The following PDGFD variants were observed in gnomAD, a reference collection of about 807,000 sequenced individuals.
The protein encoded by PDGFD is platelet-derived growth factor D.
A neutral mutation model predicts 44.7 loss-of-function variants in PDGFD; 30 were observed. That is an observed-to-expected ratio of 0.67 (90% CI 0.50 to 0.91). The LOEUF (loss-of-function observed/expected upper bound fraction) is 0.91, where lower values mean the gene tolerates loss of function less well. Among genes scored for constraint, PDGFD ranks in the 40% least tolerant of loss-of-function variants. PDGFD has a pLI of 0.00. For missense variants in PDGFD, 445 were observed against 457.8 expected (o/e 0.97, Z 0.25); for synonymous variants, 173 against 168.4 (o/e 1.03, Z -0.21).
At chr11:104,042,554 A>C (rs1444736990) in intron 1 of PDGFD, among the ~76,000 whole-genome samples, 1 of 152,230 alleles carries the variant, frequency 6.6e-6, no homozygotes, top group Admixed American at 6.5e-5. Context: ...TATTTCAAAT[A>C]AGTAAGGATC....
At chr11:103,960,350 A>AT (rs888188521) in intron 3 of PDGFD, among the ~76,000 whole-genome samples, 5 of 152,124 alleles carry the variant, frequency 3.3e-5, no homozygotes, top group East Asian at 3.9e-4. Flanking sequence ...TTGGACATGG[A>AT]TTTTTTTTGG....
intron 1 of PDGFD, among the ~76,000 whole-genome samples, chr11:104,060,981 C>T (rs780890668): frequency 2.0e-5 from 3 of 152,114 alleles, no homozygotes; most frequent in Non-Finnish European, 2.9e-5. Context: ...AGAAACTCTA[C>T]AACCACTAAG....
chr11:104,064,463 G>A (rs764012554), intron 1 of PDGFD, among the ~76,000 whole-genome samples: 19 of 152,266 alleles, frequency 1.2e-4, no homozygotes, highest in Admixed American at 2.0e-4. Context: ...TTGCTCAGGC[G>A]GAGACGGAAT....
In PDGFD at chr11:103,967,777, T is replaced by C. The variant is rs377587488; in HGVS notation, c.511-20053A>G. Reference sequence around the variant, plus strand: ...TCTTCCACCCATATCTTTATTCTCTTCTTGTTTGTCCCTTGCAATCTCTTT... The same window carrying C: ...TCTTCCACCCATATCTTTATTCTCTCCTTGTTTGTCCCTTGCAATCTCTTT... On this transcript the variant is annotated intron_variant, in intron 3 of 6. Transcript: ENST00000393158. Among the ~76,000 whole-genome samples the C allele has an allele frequency of 2.1e-4, 32 of 152,278 alleles. 1 individual carries two copies. The East Asian group carries it at 5.8e-3, about 28-fold the overall frequency.
At chr11:103,983,322 G>A (rs1472904533) in intron 3 of PDGFD, among the ~76,000 whole-genome samples, 3 of 151,800 alleles carry the variant, frequency 2.0e-5, no homozygotes, top group African/African-American at 7.3e-5. Flanking sequence ...AATGGGGAAA[G>A]GATTCTCTAT....
chr11:103,907,993 G>A lies in PDGFD; in HGVS notation c.*1701C>T, dbSNP rs1189234476. On this transcript the variant is annotated 3_prime_UTR_variant, in exon 7 of 7. Transcript: ENST00000393158. ...TCAAATAACTGGGAAGAATTGCACTGCTTAAGAATAGTTGAACTTGGACCT... is the reference window on the plus strand; with the variant it reads ...TCAAATAACTGGGAAGAATTGCACTACTTAAGAATAGTTGAACTTGGACCT... 1.3e-5 allele frequency: 2 copies of A among 152,146 alleles called. No homozygotes were observed. Among genetic ancestry groups the A allele is most frequent in the East Asian group, 1.9e-4 (1 of 5,190 alleles). 9.4% of individuals were successfully genotyped at this position (152,146 alleles called of 1,614,324 possible). A position where few individuals can be genotyped will look rare whatever the true frequency, so the allele number is the denominator to read the frequency against.
chr11:104,155,457 A>T (rs1255490262), intron 1 of PDGFD, among the ~76,000 whole-genome samples: 3 of 152,200 alleles, frequency 2.0e-5, no homozygotes, highest in African/African-American at 4.8e-5. Context: ...TGGAAATATA[A>T]GAGGAGGCAG....
At chr11:104,140,902 T>C (rs963184796) in intron 1 of PDGFD, among the ~76,000 whole-genome samples, 1 of 152,268 alleles carries the variant, frequency 6.6e-6, no homozygotes, top group African/African-American at 2.4e-5. Flanking sequence ...CTAATAGCTA[T>C]ATGTAAGCTT....
chr11:103,961,423 T>C (rs1858933843), intron 3 of PDGFD, among the ~76,000 whole-genome samples: 1 of 152,114 alleles, frequency 6.6e-6, no homozygotes, highest in African/African-American at 2.4e-5. Flanking sequence ...TGGAGGAAGG[T>C]CTCAGAAGAA....
chr11:103,913,364 A>G (rs1387976829), intron 6 of PDGFD, among the ~76,000 whole-genome samples: 1 of 152,208 alleles, frequency 6.6e-6, no homozygotes, highest in Non-Finnish European at 1.5e-5. Context: ...AAATCACACA[A>G]CTACATGGAA....
chr11:103,940,732 T>A (rs988053991), intron 5 of PDGFD, among the ~76,000 whole-genome samples: 3 of 152,140 alleles, frequency 2.0e-5, no homozygotes, highest in African/African-American at 7.2e-5. Context: ...AGCACATTTA[T>A]ACAAGAGCAG....
intron 6 of PDGFD, among the ~76,000 whole-genome samples, chr11:103,917,228 T>C (rs950386885): frequency 6.6e-6 from 1 of 152,250 alleles, no homozygotes; most frequent in Admixed American, 6.5e-5. Context: ...AAAATCTTTG[T>C]ATATTAATAC....
chr11:104,025,530 GTCTTTATTTGAGAGGTCA>G (rs1860029576), intron 1 of PDGFD, among the ~76,000 whole-genome samples: 1 of 152,230 alleles, frequency 6.6e-6, no homozygotes, highest in South Asian at 2.1e-4. Flanking sequence ...GATACAGGCA[GTCTTTATTTGAGAGGTCA>G]TCCCAGGAAG....
chr11:104,131,433 T>C (rs911817486), intron 1 of PDGFD, among the ~76,000 whole-genome samples: 1 of 152,182 alleles, frequency 6.6e-6, no homozygotes, highest in Non-Finnish European at 1.5e-5. Flanking sequence ...GAAAAACAAA[T>C]GTGTATCTTA....
intron 1 of PDGFD, among the ~76,000 whole-genome samples, chr11:104,052,632 A>G (rs1860560037): frequency 6.6e-6 from 1 of 152,076 alleles, no homozygotes; most frequent in African/African-American, 2.4e-5. Flanking sequence ...GCTTCTCTCC[A>G]ATTGGGGCTA....
chr11:103,968,018 T>G (rs935327438), intron 3 of PDGFD, among the ~76,000 whole-genome samples: 3 of 152,150 alleles, frequency 2.0e-5, no homozygotes, highest in African/African-American at 7.2e-5. Context: ...TGTAATAGCC[T>G]CTGAATTGCC....
intron 1 of PDGFD, among the ~76,000 whole-genome samples, chr11:104,140,749 A>C (rs1862072583): frequency 2.0e-5 from 3 of 152,070 alleles, no homozygotes; most frequent in African/African-American, 7.2e-5. Flanking sequence ...AATCATTTCT[A>C]TTTTACTATC....
chr11:104,040,279 T>C (rs575249949), intron 1 of PDGFD, among the ~76,000 whole-genome samples: 65 of 151,998 alleles, frequency 4.3e-4, no homozygotes, highest in Middle Eastern at 3.2e-3. Context: ...ATATTCCAAA[T>C]CCTAAAAACA....
At chr11:103,941,454 C>T (rs1346943349) in intron 5 of PDGFD, among the ~76,000 whole-genome samples, 1 of 152,046 alleles carries the variant, frequency 6.6e-6, no homozygotes, top group Non-Finnish European at 1.5e-5. Context: ...GTAGGCTTCA[C>T]CAAGGAAGTA....
Sources: allele counts gnomAD v4.1 joint callset (sites outside exome capture counted in the v4.1 genomes callset), GRCh38; gene constraint gnomAD v4.1.1; transcripts MANE v1.5; gene names NCBI Gene and HGNC (gene_info 2026-07-23, HGNC 2026-07-21).